DNAH8: variants seen among roughly 807,000 people sequenced by gnomAD.
DNAH8 encodes the protein axonemal beta dynein heavy chain 8.
A neutral mutation model predicts 562.1 loss-of-function variants in DNAH8; 382 were observed. The ratio of observed to expected loss-of-function variants is 0.68; its 90% CI spans 0.63 to 0.74. The LOEUF (loss-of-function observed/expected upper bound fraction) is 0.74, where lower values mean the gene tolerates loss of function less well. Among genes scored for constraint, DNAH8 ranks in the 30% least tolerant of loss-of-function variants. DNAH8 has a pLI of 0.00. For synonymous variants in DNAH8, 1,881 were observed against 1,919.4 expected (o/e 0.98, Z 0.52); for missense variants, 5,203 against 5,620.4 (o/e 0.93, Z 2.37).
intron 7 of DNAH8, among the ~76,000 whole-genome samples, chr6:38,740,554 A>G (rs534399066): frequency 6.6e-6 from 1 of 152,258 alleles, no homozygotes; most frequent in East Asian, 1.9e-4. Flanking sequence ...AGATCTAGCA[A>G]CTTTACTGAA....
intron 11 of DNAH8, among the ~76,000 whole-genome samples, chr6:38,767,313 T>C (rs1451688899): frequency 1.3e-5 from 2 of 152,154 alleles, no homozygotes; most frequent in African/African-American, 2.4e-5. Flanking sequence ...GGCAGGCTCC[T>C]GTAGTCCCAG....
intron 63 of DNAH8, among the ~76,000 whole-genome samples, chr6:38,907,229 A>G (rs1780545155): frequency 6.6e-6 from 1 of 152,194 alleles, no homozygotes; most frequent in Non-Finnish European, 1.5e-5. Context: ...GCTTTTGCCA[A>G]GGGGCCATGC....
chr6:38,886,307 G>A lies in DNAH8; in HGVS notation c.8260-484G>A, dbSNP rs567895530. ...CCAAGAGAGGTAACATTTCCAAGGA[G>A]GGGGGTTGGCAGTGTTGGAGGATGC... On this transcript the variant is annotated intron_variant, in intron 56 of 92. Coordinates refer to ENST00000327475, the MANE Select transcript of DNAH8 (RefSeq NM_001206927.2). 9.2e-5 allele frequency among the ~76,000 whole-genome samples: 14 copies of A among 152,250 alleles called. No homozygotes were observed. The East Asian group carries it at 2.1e-3, about 23-fold the overall frequency.
chr6:38,782,601 G>T (rs1206766974), intron 16 of DNAH8, among the ~76,000 whole-genome samples: 1 of 152,128 alleles, frequency 6.6e-6, no homozygotes, highest in African/African-American at 2.4e-5. Flanking sequence ...TATTTTTATC[G>T]TTTGATACAT....
chr6:38,867,231 A>ATGTGTG (rs70981595), intron 47 of DNAH8, among the ~76,000 whole-genome samples: 9,596 of 148,262 alleles, frequency 0.065, 440 homozygotes, highest in African/African-American at 0.13. Flanking sequence ...GTGTGTGTAT[A>ATGTGTG]TGTGTGTGTG....
intron 89 of DNAH8, among the ~76,000 whole-genome samples, chr6:39,009,698 G>T (rs370313007): frequency 4.4e-4 from 67 of 152,304 alleles, no homozygotes; most frequent in African/African-American, 1.5e-3. Context: ...AATACAAAGT[G>T]ATCTGACTCT....
chr6:38,737,428 G>A (rs1425920579), intron 6 of DNAH8, among the ~76,000 whole-genome samples, 172 bp downstream of exon 6: 1 of 152,072 alleles, frequency 6.6e-6, no homozygotes, highest in East Asian at 1.9e-4. Flanking sequence ...CTTTGGTGGA[G>A]TAAGATATAT....
rs1778632307 is a variant in DNAH8, at chr6:38,883,048, A to G, written c.7997A>G (p.His2666Arg). The G allele has an allele frequency of 6.3e-7, 1 of 1,590,186 alleles. No homozygotes were observed. The highest frequency in any genetic ancestry group is 8.5e-7 in the Non-Finnish European group (1 of 1,171,992). The change falls in exon 54 of 93, where the codon CAT (histidine) becomes CGT (arginine). Residue 2666 changes from histidine to arginine, a missense_variant. His to Arg is a conservative substitution (Grantham distance 29). This residue lies in a region of DNAH8 where 977 missense variants were observed against 1,061.8 expected (regional missense o/e 0.92). Transcript: ENST00000327475. ...TTGATAGACACCATTGCAAAACAAC[A>G]TAAAGTAAGTTTAATAGATAGTTCC... ...NFLIDTIAKQ[H>R]KAVLLTGEQG... is the part of the protein sequence containing the mutation.
chr6:38,826,090 A>G lies in DNAH8; in HGVS notation c.3848-66A>G, dbSNP rs948617172. On this transcript the variant is annotated intron_variant, in intron 28 of 92. Transcript: ENST00000327475. Reference sequence around the variant, plus strand: ...GACTACTGAATTGGACAGAGCAATTATAGATGCCCTTATAGTTTCAGAATG... The same window carrying G: ...GACTACTGAATTGGACAGAGCAATTGTAGATGCCCTTATAGTTTCAGAATG... The G allele has an allele frequency of 6.2e-5, 67 of 1,087,026 alleles. 1 individual carries two copies. The highest frequency in any genetic ancestry group is 4.2e-4 in the Admixed American group (16 of 38,254). The allele number at this position is 1,087,026 out of a possible 1,614,324, so 67.3% of individuals were successfully genotyped here.
intron 30 of DNAH8, 24 bp from the exon 31 acceptor site, chr6:38,832,298 G>C (rs906980517): frequency 6.8e-6 from 10 of 1,466,104 alleles, no homozygotes; most frequent in Non-Finnish European, 9.5e-6. Context: ...TCACTCTCAG[G>C]TTGAATATTC....
At chr6:38,968,661 A>T (rs1763136557) in intron 82 of DNAH8, among the ~76,000 whole-genome samples, 2 of 152,204 alleles carry the variant, frequency 1.3e-5, no homozygotes, top group Non-Finnish European at 2.9e-5. Context: ...TGGAAAAATT[A>T]GAACATTCAT....
intron 91 of DNAH8, among the ~76,000 whole-genome samples, chr6:39,019,861 G>T (rs139030818): frequency 5.3e-5 from 8 of 152,296 alleles, no homozygotes; most frequent in Admixed American, 2.0e-4. Flanking sequence ...GGCTGTGGTT[G>T]TCAATGCAGC....
At chr6:38,758,044 G>GT (rs1168958376) in intron 10 of DNAH8, among the ~76,000 whole-genome samples, 1 of 152,172 alleles carries the variant, frequency 6.6e-6, no homozygotes, top group Non-Finnish European at 1.5e-5. Context: ...CTTTAAAGTA[G>GT]TTTTTTCCAA....
chr6:38,792,378 CTCCCAGCCTA>C (rs1283407681), intron 21 of DNAH8, among the ~76,000 whole-genome samples: 2 of 152,110 alleles, frequency 1.3e-5, no homozygotes, highest in Non-Finnish European at 1.5e-5. Flanking sequence ...TGAGCCACAA[CTCCCAGCCTA>C]GGATTTTTTT....
intron 91 of DNAH8, among the ~76,000 whole-genome samples, chr6:39,019,259 G>A (rs1012106002): frequency 1.3e-5 from 2 of 152,148 alleles, no homozygotes; most frequent in Admixed American, 6.5e-5. Flanking sequence ...CTCGCACACT[G>A]TAACAAGAGT....
chr6:38,814,180 A>G (rs759420847), intron 25 of DNAH8, 51 bp downstream of exon 25: 1 of 1,092,252 alleles, frequency 9.2e-7, no homozygotes, highest in Non-Finnish European at 1.4e-6. Context: ...TAAGAAGTAT[A>G]GTACTAGAAC....
chr6:38,898,250 A>C lies in DNAH8; in HGVS notation c.8941-8A>C, dbSNP rs1187903778. The stretch of plus-strand genomic sequence containing the variant: ...ATATTATTTTTTTATCTTTCTCTCC[A>C]CCCATAGATGCCATCCTTTGACTTT... On this transcript the variant is annotated splice_region_variant and splice_polypyrimidine_tract_variant and intron_variant, in intron 60 of 92. Transcript: ENST00000327475. The C allele has an allele frequency of 1.3e-6, 2 of 1,578,672 alleles. No homozygotes were observed. The highest frequency in any genetic ancestry group is 1.7e-6 in the Non-Finnish European group (2 of 1,168,516).
At chr6:38,958,790 T>C (rs1762432746) in intron 82 of DNAH8, among the ~76,000 whole-genome samples, 1 of 152,176 alleles carries the variant, frequency 6.6e-6, no homozygotes, top group Admixed American at 6.5e-5. Flanking sequence ...AGACTCATTC[T>C]ATGAGACTAG....
chr6:38,753,513 G>A (rs112209586), intron 9 of DNAH8, among the ~76,000 whole-genome samples: 2 of 152,224 alleles, frequency 1.3e-5, no homozygotes, highest in African/African-American at 4.8e-5. Flanking sequence ...AGTGAATATG[G>A]CACAACGTTC....
Sources: gnomAD v4.1 joint callset for allele counts (sites outside exome capture counted in the v4.1 genomes callset) on GRCh38, gnomAD v4.1.1 for gene constraint, gnomAD v4.1.1 regional missense constraint, MANE v1.5 for transcripts, NCBI Gene and HGNC (gene_info 2026-07-23, HGNC 2026-07-21) for gene names.